The following SARDH variants were observed in gnomAD, a reference collection of about 807,000 sequenced individuals.
SARDH encodes sarcosine dehydrogenase, also known as sarcosine dehydrogenase, mitochondrial.
SARDH carries 95 observed loss-of-function variants against 109.1 expected under a neutral mutation model. The ratio of observed to expected loss-of-function variants is 0.87; its 90% CI spans 0.74 to 1.03. SARDH has a LOEUF of 1.03. Ranked by LOEUF, SARDH falls within the 50% of genes least tolerant of loss-of-function variation. The pLI is 0.00. For missense variants in SARDH, 1,267 were observed against 1,287.8 expected (o/e 0.98, Z 0.25); for synonymous variants, 572 against 534.8 (o/e 1.07, Z -0.96).
chr9:133,681,065 G>A (rs905476955), intron 17 of SARDH, among the ~76,000 whole-genome samples: 1 of 152,250 alleles, frequency 6.6e-6, no homozygotes, highest in African/African-American at 2.4e-5. Context: ...GTGGGGCCCT[G>A]GGCCACTGGC....
intron 13 of SARDH, among the ~76,000 whole-genome samples, chr9:133,699,745 G>C (rs114618869): frequency 2.6e-3 from 393 of 152,318 alleles, no homozygotes; most frequent in African/African-American, 9.1e-3. Context: ...AGGATGTGGA[G>C]ACACTGGAAC....
Position 133,666,191 on chromosome 9 carries a change from CG to C in SARDH, c.2631+543del, listed in dbSNP as rs1197390399. ...TGGGGTTGCCTGGGGTCAGGGGTGT[CG>C]GGGGTGAGGAAAGAGAGGATAGGAA... On this transcript the variant is annotated intron_variant, in intron 20 of 20. Coordinates refer to ENST00000439388, the MANE Select transcript of SARDH (RefSeq NM_001134707.2). This position sits in a 1 kb window ranked among gnomAD's most constrained non-coding sequence, Gnocchi z 5.2. Among the ~76,000 whole-genome samples, 1 of 150,720 alleles carries C rather than the reference CG, an allele frequency of 6.6e-6. No homozygotes were observed. Among genetic ancestry groups the C allele is most frequent in the Non-Finnish European group, 1.5e-5 (1 of 67,682 alleles).
At position 133,712,312 on chromosome 9, in the gene SARDH, G is replaced by T. The variant is rs1167596584; in HGVS notation, c.1328+307C>A. On this transcript the variant is annotated intron_variant, in intron 10 of 20. Transcript: ENST00000439388. This position sits in a 1 kb window ranked among gnomAD's most constrained non-coding sequence, Gnocchi z 4.1. ...CAGCCCCGCTCCCTCCTGCCCCCAG[G>T]CCTCAGTCTCCCCATCTGTGAGGTG... is the stretch of plus-strand genomic sequence containing the variant. Among the ~76,000 whole-genome samples, 1 of 152,060 alleles carries T rather than the reference G, an allele frequency of 6.6e-6. No individual in the cohort carries two copies. The highest frequency in any genetic ancestry group is 1.5e-5 in the Non-Finnish European group (1 of 68,000).
chr9:133,733,985 C>G lies in SARDH; in HGVS notation c.189G>C (p.Leu63=). The G allele has an allele frequency of 6.2e-7, 1 of 1,612,478 alleles. No individual in the cohort carries two copies. Among genetic ancestry groups the G allele is most frequent in the Non-Finnish European group, 8.5e-7 (1 of 1,179,644 alleles). ...SVVAQGPSRP[L]PSTANVVVIG... ...TGACCACCACGTTGGCCGTGCTGGG[C>G]AGGGGCCGGCTTGGGCCTTGGGCCA... Residue 63 remains leucine, a synonymous_variant, in exon 2 of 21, where the codon CTG becomes CTC. Coordinates refer to ENST00000439388, the MANE Select transcript of SARDH (RefSeq NM_001134707.2).
Position 133,694,284 on chromosome 9 carries a change from G to T in SARDH, c.1895C>A (p.Ala632Asp). 1 of 1,550,230 alleles carries T rather than the reference G, an allele frequency of 6.5e-7. No homozygotes were observed. Among genetic ancestry groups the T allele is most frequent in the Non-Finnish European group, 8.7e-7 (1 of 1,146,656 alleles). Reference sequence around the variant, plus strand: ...TTCAAAGGCGGGGGCCAGCGGGGAGGCCTGGTGGCTGGGTGCCAGGCGGCT... The same window carrying T: ...TTCAAAGGCGGGGGCCAGCGGGGAGTCCTGGTGGCTGGGTGCCAGGCGGCT... ...TVSRLAPSHQ[A>D]SPLAPAFEGD... Residue 632 changes from alanine to aspartate, a missense_variant, in exon 15 of 21, where the codon GCC becomes GAC. Ala to Asp is a moderately radical substitution (Grantham distance 126). Coordinates refer to ENST00000439388, the MANE Select transcript of SARDH (RefSeq NM_001134707.2).
At chr9:133,671,763 C>G (rs1329516965) in intron 17 of SARDH, 66 bp from the exon 18 acceptor site, 2 of 1,497,964 alleles carry the variant, frequency 1.3e-6, no homozygotes, top group Non-Finnish European at 1.8e-6. Context: ...CCCAGGCCAC[C>G]ACTTCCTGGT....
intron 13 of SARDH, among the ~76,000 whole-genome samples, chr9:133,700,731 G>GCACACA (rs1183045975): frequency 8.0e-6 from 1 of 125,584 alleles, no homozygotes; most frequent in Admixed American, 8.0e-5. Context: ...ACACACACAC[G>GCACACA]CACGCGCACA....
At chr9:133,690,728 G>T (rs1206619843) in intron 15 of SARDH, among the ~76,000 whole-genome samples, 2 of 152,084 alleles carry the variant, frequency 1.3e-5, no homozygotes, top group South Asian at 2.1e-4. Flanking sequence ...AGCCATGGGG[G>T]TTAGGAGAAG....
chr9:133,705,558 A>AC (rs11381123), intron 11 of SARDH, among the ~76,000 whole-genome samples: 126,800 of 145,208 alleles, frequency 0.87, 55,921 homozygotes, highest in East Asian at 0.99. Context: ...CACCCTGAGA[A>AC]CCCCATCTGT....
rs768419562 is a variant in SARDH, at chr9:133,712,703, A to G, written c.1244T>C (p.Met415Thr). ...CTCCTGCCCACAGCCACCACCCAGCATCATTCCTGGCAGGAAGAGAAGCGC... is the reference window on the plus strand; with the variant it reads ...CTCCTGCCCACAGCCACCACCCAGCGTCATTCCTGGCAGGAAGAGAAGCGC... ...LGCGFNSAGMMLGGGCGQELA... is the reference protein window; with the variant it reads ...LGCGFNSAGMTLGGGCGQELA... The change falls in exon 10 of 21, where the codon ATG becomes ACG. Residue 415 changes from methionine to threonine, a missense_variant. Met to Thr is a moderately conservative substitution (Grantham distance 81). Transcript: ENST00000439388. The surrounding 1 kb of genome is among the most constrained non-coding windows in gnomAD (Gnocchi z 4.1). The G allele has an allele frequency of 6.2e-7, 1 of 1,608,530 alleles. No homozygotes were observed. The highest frequency in any genetic ancestry group is 1.1e-5 in the South Asian group (1 of 91,046).
chr9:133,702,475 G>A (rs895384430), intron 13 of SARDH, among the ~76,000 whole-genome samples: 2 of 152,214 alleles, frequency 1.3e-5, no homozygotes, highest in African/African-American at 4.8e-5. Context: ...GGGCCCATAC[G>A]GGGCCTGATG....
At chr9:133,721,262 G>A (rs1035873641) in intron 6 of SARDH, among the ~76,000 whole-genome samples, 1 of 152,206 alleles carries the variant, frequency 6.6e-6, no homozygotes, top group Admixed American at 6.5e-5. Flanking sequence ...GGCCAGGAGG[G>A]CCATCAACAG....
intron 6 of SARDH, among the ~76,000 whole-genome samples, chr9:133,722,642 G>GCTCCCTCTCTCTCTCTCT (rs1203936066): frequency 6.9e-5 from 10 of 145,748 alleles, no homozygotes; most frequent in African/African-American, 2.6e-4. Flanking sequence ...AACTACTAGC[G>GCTCCCTCTCTCTCTCTCT]CTCTCTCTCT....
At chr9:133,729,012 G>A (rs1054044106) in intron 6 of SARDH, among the ~76,000 whole-genome samples, 14 of 151,692 alleles carry the variant, frequency 9.2e-5, no homozygotes, top group African/African-American at 2.9e-4. Flanking sequence ...GATGAATAGA[G>A]GGAGGGAAAG....
At chr9:133,699,196 A>AT (rs1287169323) in intron 13 of SARDH, among the ~76,000 whole-genome samples, 2 of 152,064 alleles carry the variant, frequency 1.3e-5, no homozygotes, top group Non-Finnish European at 2.9e-5. Flanking sequence ...AAAATACAAA[A>AT]TTAGCTGGGC....
Position 133,670,644 on chromosome 9 carries a change from G to T in SARDH, c.2435C>A (p.Ala812Asp). ...GCCTGCGGCCCGCTGCTGCTCCAGG[G>T]CCTCCCTCCCCAGGAAGGGCACCGG... ...KSPVPFLGRE[A>D]LEQQRAAGLR... The change falls in exon 19 of 21, where the codon GCC (alanine) becomes GAC (aspartate). Residue 812 changes from alanine to aspartate, a missense_variant. Physicochemically the swap from Ala to Asp is moderately radical, Grantham distance 126. Coordinates refer to ENST00000439388, the MANE Select transcript of SARDH (RefSeq NM_001134707.2). 1 of 1,588,426 alleles carries T rather than the reference G, an allele frequency of 6.3e-7. No homozygotes were observed. The highest frequency in any genetic ancestry group is 8.6e-7 in the Non-Finnish European group (1 of 1,168,098).
In SARDH at chr9:133,731,387, A is replaced by T; in HGVS notation, c.608T>A (p.Leu203Gln). The T allele has an allele frequency of 6.2e-7, 1 of 1,614,172 alleles. No homozygotes were observed. Among genetic ancestry groups the T allele is most frequent in the Non-Finnish European group, 8.5e-7 (1 of 1,180,022 alleles). Residue 203 changes from leucine to glutamine, a missense_variant, in exon 4 of 21, where the codon CTG (leucine) becomes CAG (glutamine). Physicochemically the swap from Leu to Gln is moderately radical, Grantham distance 113. Coordinates refer to ENST00000439388, the MANE Select transcript of SARDH (RefSeq NM_001134707.2). Reference sequence around the variant, plus strand: ...CATGGTACCGTCGTGCGGCACATACAGGGTCCCGTAGAGGTCGTCCACATT... The same window carrying T: ...CATGGTACCGTCGTGCGGCACATACTGGGTCCCGTAGAGGTCGTCCACATT... ...LMNVDDLYGT[L>Q]YVPHDGTMDP...
At chr9:133,721,955 A>G (rs1447251145) in intron 6 of SARDH, among the ~76,000 whole-genome samples, 1 of 152,106 alleles carries the variant, frequency 6.6e-6, no homozygotes, top group Non-Finnish European at 1.5e-5. Context: ...AACTCTACTA[A>G]AAATACAAAA....
At chr9:133,734,463 A>G in intron 1 of SARDH, among the ~76,000 whole-genome samples, 1 of 149,462 alleles carries the variant, frequency 6.7e-6, no homozygotes, top group Non-Finnish European at 1.5e-5. Context: ...TCATTCACTC[A>G]TTCATTCATT....
Sources: allele counts gnomAD v4.1 joint callset (sites outside exome capture counted in the v4.1 genomes callset), GRCh38; gene constraint gnomAD v4.1.1; non-coding constraint Gnocchi (gnomAD v3.1); transcripts MANE v1.5; gene names NCBI Gene and HGNC (gene_info 2026-07-23, HGNC 2026-07-21).